PTPRD: variants seen among roughly 807,000 people sequenced by gnomAD.
The protein encoded by PTPRD is receptor-type tyrosine-protein phosphatase delta.
In PTPRD, 34 loss-of-function variants were observed where a neutral mutation model predicts 214.5. The ratio of observed to expected loss-of-function variants is 0.16; its 90% CI spans 0.12 to 0.21. The LOEUF (loss-of-function observed/expected upper bound fraction) is 0.21, where lower values mean the gene tolerates loss of function less well. PTPRD is among the 10% of genes least tolerant of loss of function. The probability of loss-of-function intolerance (pLI) is 1.00; values close to 1 mark genes in which losing one functional copy is unlikely to be tolerated. For synonymous variants in PTPRD, 1,128 were observed against 845.7 expected (o/e 1.33, Z -5.79); for missense variants, 2,545 against 2,398.7 (o/e 1.06, Z -1.27).
intron 3 of PTPRD, among the ~76,000 whole-genome samples, chr9:10,067,419 A>G (rs996239966): frequency 6.6e-6 from 1 of 151,864 alleles, no homozygotes; most frequent in African/African-American, 2.4e-5. Flanking sequence ...TGTTTTTCCA[A>G]TGTTATACAT....
At chr9:8,750,103 A>G (rs2093363796) in intron 11 of PTPRD, among the ~76,000 whole-genome samples, 1 of 148,530 alleles carries the variant, frequency 6.7e-6, no homozygotes, top group African/African-American at 2.5e-5. Flanking sequence ...CTCTGTCTCA[A>G]AAAAAAAAAA....
intron 11 of PTPRD, among the ~76,000 whole-genome samples, chr9:8,854,294 C>A (rs932115474): frequency 6.6e-6 from 1 of 152,062 alleles, no homozygotes; most frequent in African/African-American, 2.4e-5. Context: ...TGCAAATACA[C>A]AATGAAACTA....
At chr9:8,330,815 A>C (rs993952006) in intron 44 of PTPRD, among the ~76,000 whole-genome samples, 1 of 151,542 alleles carries the variant, frequency 6.6e-6, no homozygotes, top group African/African-American at 2.4e-5. Flanking sequence ...GATGTGCTGA[A>C]GCAAAATATA....
chr9:8,325,147 G>C (rs1832374653), intron 44 of PTPRD, among the ~76,000 whole-genome samples: 1 of 149,696 alleles, frequency 6.7e-6, no homozygotes, highest in South Asian at 2.1e-4. Flanking sequence ...ATTGCTTTTG[G>C]TGTTTTAGTC....
At chr9:9,615,311 C>T (rs1426143906) in intron 7 of PTPRD, among the ~76,000 whole-genome samples, 1 of 152,134 alleles carries the variant, frequency 6.6e-6, no homozygotes, top group Non-Finnish European at 1.5e-5. Context: ...GCACTTCACA[C>T]CGGCCACCAG....
intron 9 of PTPRD, among the ~76,000 whole-genome samples, chr9:9,203,468 A>G (rs2099943068): frequency 6.6e-6 from 1 of 152,106 alleles, no homozygotes. Context: ...CAATTCTCTC[A>G]AATTAGAAAA....
In PTPRD at chr9:8,500,985, G is replaced by T. The variant is rs1315123406; in HGVS notation, c.1897C>A (p.Pro633Thr). The T allele has an allele frequency of 3.7e-6, 6 of 1,613,972 alleles. No individual in the cohort carries two copies. The highest frequency in any genetic ancestry group is 1.7e-5 in the Admixed American group (1 of 59,984). The change falls in exon 24 of 46, where the codon CCA becomes ACA. Residue 633 changes from proline (P) to threonine (T), a missense_variant. Physicochemically the swap from Pro to Thr is conservative, Grantham distance 38. Transcript: ENST00000381196. ...STSILVSWQPPPVEKQNGIIT... is the reference protein window; with the variant it reads ...STSILVSWQPTPVEKQNGIIT... ...ATGCCATTCTGTTTTTCCACTGGTGGAGGTTGCCAACTTACCAAAATACTA... is the reference window on the plus strand; with the variant it reads ...ATGCCATTCTGTTTTTCCACTGGTGTAGGTTGCCAACTTACCAAAATACTA...
At chr9:8,561,187 T>C (rs549621403) in intron 14 of PTPRD, among the ~76,000 whole-genome samples, 1 of 152,302 alleles carries the variant, frequency 6.6e-6, no homozygotes, top group Non-Finnish European at 1.5e-5. Context: ...TTTTCTACAC[T>C]GTCCTGCCCA....
At chr9:10,377,930 T>G (rs2097760648) in intron 2 of PTPRD, among the ~76,000 whole-genome samples, 1 of 151,942 alleles carries the variant, frequency 6.6e-6, no homozygotes, top group Non-Finnish European at 1.5e-5. Flanking sequence ...TATGTGGGAG[T>G]AGGATTGTTG....
chr9:8,815,858 G>C (rs1237228832), intron 11 of PTPRD, among the ~76,000 whole-genome samples: 1 of 152,122 alleles, frequency 6.6e-6, no homozygotes, highest in African/African-American at 2.4e-5. Flanking sequence ...GGTTATAATA[G>C]GCCTTACTGC....
intron 8 of PTPRD, among the ~76,000 whole-genome samples, chr9:9,415,047 C>T (rs566965551): frequency 1.8e-4 from 27 of 152,246 alleles, no homozygotes; most frequent in African/African-American, 5.8e-4. Flanking sequence ...GCATTTTGAA[C>T]TGGACCTAAT....
At chr9:8,889,512 A>G (rs2154236901) in intron 11 of PTPRD, among the ~76,000 whole-genome samples, 1 of 152,276 alleles carries the variant, frequency 6.6e-6, no homozygotes, top group Non-Finnish European at 1.5e-5. Flanking sequence ...GTTTTTGGCT[A>G]CATGGATAAG....
In PTPRD at chr9:9,178,008, C is replaced by T. The variant is rs913425749; in HGVS notation, c.-143+5296G>A. Among the ~76,000 whole-genome samples the T allele has an allele frequency of 2.0e-5, 3 of 152,036 alleles. No individual in the cohort carries two copies. In the South Asian group the frequency reaches 6.2e-4, roughly 32 times the overall value. ...GATCAGATGATGAAATATCTGGAACCCATCTCATAATAGGAATGGTGAAGG... is the reference window on the plus strand; with the variant it reads ...GATCAGATGATGAAATATCTGGAACTCATCTCATAATAGGAATGGTGAAGG... On this transcript the variant is annotated intron_variant, in intron 10 of 45. Coordinates refer to ENST00000381196, the MANE Select transcript of PTPRD (RefSeq NM_002839.4).
chr9:8,931,532 A>T (rs1284709860), intron 11 of PTPRD, among the ~76,000 whole-genome samples: 1 of 152,150 alleles, frequency 6.6e-6, no homozygotes, highest in African/African-American at 2.4e-5. Flanking sequence ...GATGGCATTG[A>T]ATCTATAAAT....
intron 5 of PTPRD, among the ~76,000 whole-genome samples, chr9:9,861,352 G>A (rs577801619): frequency 8.6e-5 from 13 of 151,956 alleles, no homozygotes; most frequent in Non-Finnish European, 1.6e-4. Context: ...GTGCATTGGC[G>A]CCATCTCGGC....
At chr9:8,330,966 C>T (rs1056206913) in intron 44 of PTPRD, among the ~76,000 whole-genome samples, 2 of 151,036 alleles carry the variant, frequency 1.3e-5, no homozygotes, top group African/African-American at 4.9e-5. Context: ...TCCAAAAACA[C>T]TAAATTTATG....
rs949762855 is a variant in PTPRD at position 9,121,712 on chromosome 9, T to C, written c.-143+61592A>G. 1.1e-3 allele frequency among the ~76,000 whole-genome samples: 173 copies of C among 152,224 alleles called. 1 individual carries two copies. The highest frequency in any genetic ancestry group is 4.0e-3 in the African/African-American group (165 of 41,548). On this transcript the variant is annotated intron_variant, in intron 10 of 45. Transcript: ENST00000381196. ...GGCGAGGGATAAAAGACAACAGATATGGTGCAGTGTATACTGCTCAGGTGA... is the reference window on the plus strand; with the variant it reads ...GGCGAGGGATAAAAGACAACAGATACGGTGCAGTGTATACTGCTCAGGTGA...
chr9:9,896,752 G>A (rs1213342504), intron 5 of PTPRD, among the ~76,000 whole-genome samples: 1 of 151,920 alleles, frequency 6.6e-6, no homozygotes, highest in African/African-American at 2.4e-5. Flanking sequence ...TGAAATATTA[G>A]CAATTATCAT....
chr9:8,910,228 G>A (rs1229354996), intron 11 of PTPRD, among the ~76,000 whole-genome samples: 1 of 151,734 alleles, frequency 6.6e-6, no homozygotes, highest in African/African-American at 2.4e-5. Context: ...TAGTAGAGAC[G>A]GGATTTCACC....
Sources: allele counts gnomAD v4.1 joint callset (sites outside exome capture counted in the v4.1 genomes callset), GRCh38; gene constraint gnomAD v4.1.1; transcripts MANE v1.5; gene names NCBI Gene and HGNC (gene_info 2026-07-23, HGNC 2026-07-21).